The following RIMKLB variants were observed in gnomAD, a reference collection of about 807,000 sequenced individuals.
RIMKLB encodes beta-citrylglutamate synthase B.
In RIMKLB, 7 loss-of-function variants were observed where a neutral mutation model predicts 32.0. That is an observed-to-expected ratio of 0.22 (90% CI 0.12 to 0.41). The LOEUF is 0.41. RIMKLB is among the 10% of genes least tolerant of loss of function. RIMKLB has a pLI of 1.00. For synonymous variants in RIMKLB, 172 were observed against 185.1 expected (o/e 0.93, Z 0.57); for missense variants, 289 against 498.7 (o/e 0.58, Z 4.00).
chr12:8,737,021 C>T (rs1947071886), intron 2 of RIMKLB, among the ~76,000 whole-genome samples: 1 of 152,006 alleles, frequency 6.6e-6, no homozygotes, highest in Admixed American at 6.6e-5. Flanking sequence ...CCATGTTGGC[C>T]AGGCTGGTCT....
rs1333897522 is a variant in RIMKLB, at chr12:8,713,917, C to T, written c.51C>T (p.Ile17=). ...TGTGGTTTTTGACAGATCGTCGCAT[C>T]AGGGAAGACTATCCTCAAAAAGAGA... The part of the protein sequence containing the change: ...AKLWFLTDRR[I]REDYPQKEIL... The change falls in exon 2 of 6, where the codon ATC becomes ATT. Residue 17 remains isoleucine, a synonymous_variant. Transcript: ENST00000535829. The T allele has an allele frequency of 1.9e-6, 3 of 1,613,936 alleles. No homozygotes were observed. The highest frequency in any genetic ancestry group is 2.5e-6 in the Non-Finnish European group (3 of 1,180,022).
chr12:8,696,313 A>C (rs189941989), upstream of RIMKLB, among the ~76,000 whole-genome samples: 298 of 152,278 alleles, frequency 2.0e-3, no homozygotes, highest in Non-Finnish European at 3.3e-3. Context: ...TGAATATCAG[A>C]GTGGAAGTAA....
intron 5 of RIMKLB, among the ~76,000 whole-genome samples, chr12:8,762,540 TACAGC>T (rs1949618187): frequency 6.6e-6 from 1 of 152,226 alleles, no homozygotes; most frequent in Non-Finnish European, 1.5e-5. Flanking sequence ...TAGGTTTCTG[TACAGC>T]CAAGAATAAT....
At position 8,776,986 on chromosome 12, in the gene RIMKLB, T is replaced by C. The variant is rs1950762764; in HGVS notation, c.*3202T>C. ...GTGAAATCAAATCTTGTGTTATACT[T>C]TTCTCCTGGCTCACTTTTTTTGAGA... On this transcript the variant is annotated 3_prime_UTR_variant, in exon 6 of 6. Transcript: ENST00000535829. 2 of 985,850 alleles carry C rather than the reference T, an allele frequency of 2.0e-6. No individual in the cohort carries two copies. Among genetic ancestry groups the C allele is most frequent in the Non-Finnish European group, 2.4e-6 (2 of 829,930 alleles). The allele number at this position is 985,850 out of a possible 1,614,324, so 61.1% of individuals were successfully genotyped here. A position where few individuals can be genotyped will look rare whatever the true frequency, so the allele number is the denominator to read the frequency against.
chr12:8,720,160 G>A (rs1276033972), intron 2 of RIMKLB, among the ~76,000 whole-genome samples: 1 of 152,186 alleles, frequency 6.6e-6, no homozygotes, highest in Non-Finnish European at 1.5e-5. Flanking sequence ...ACATTTTTCA[G>A]TTGTGAGTAG....
At chr12:8,771,791 G>A (rs1950422844) in intron 5 of RIMKLB, among the ~76,000 whole-genome samples, 1 of 152,114 alleles carries the variant, frequency 6.6e-6, no homozygotes, top group Admixed American at 6.5e-5. Context: ...CAGTTTTCTG[G>A]AAAATGTCTT....
intron 1 of RIMKLB, among the ~76,000 whole-genome samples, chr12:8,709,705 A>G (rs1203010984): frequency 6.6e-6 from 1 of 152,264 alleles, no homozygotes; most frequent in East Asian, 1.9e-4. Context: ...CTGTGGTTTC[A>G]GTTACGCCCT....
At chr12:8,677,599 T>C (rs1942350776), upstream of RIMKLB, among the ~76,000 whole-genome samples, 4 of 152,220 alleles carry the variant, frequency 2.6e-5, 1 homozygote, top group South Asian at 8.3e-4. Context: ...ACTAATCTGA[T>C]TAAGTCATTC....
intron 2 of RIMKLB, among the ~76,000 whole-genome samples, chr12:8,714,377 C>A (rs1387967303): frequency 6.6e-6 from 1 of 152,120 alleles, no homozygotes; most frequent in Non-Finnish European, 1.5e-5. Context: ...GACACAGTTT[C>A]TTAAAAATAA....
At position 8,753,934 on chromosome 12, in the gene RIMKLB, C is replaced by G. The variant is rs1250535928; in HGVS notation, c.538C>G (p.Leu180Val). ...LARDKHHLAD[L>V]SHLIRHEAPY... ...TCGAGATAAGCACCATTTGGCTGAT[C>G]TAAGCCATCTTATTCGCCATGAAGC... Residue 180 changes from leucine to valine, a missense_variant, in exon 5 of 6, where the codon CTA (leucine) becomes GTA (valine). Leu to Val is a conservative substitution (Grantham distance 32). Coordinates refer to ENST00000535829, the MANE Select transcript of RIMKLB (RefSeq NM_001297776.2). The G allele has an allele frequency of 1.2e-6, 2 of 1,613,892 alleles. No individual in the cohort carries two copies. Among genetic ancestry groups the G allele is most frequent in the South Asian group, 1.1e-5 (1 of 91,076 alleles).
At chr12:8,746,613 AAAAG>A (rs1391212552) in intron 2 of RIMKLB, among the ~76,000 whole-genome samples, 8 of 151,676 alleles carry the variant, frequency 5.3e-5, no homozygotes, top group East Asian at 1.9e-4. Flanking sequence ...AAAAAAAAAA[AAAAG>A]AAAAAGATAT....
At chr12:8,692,444 G>A (rs374336888), upstream of RIMKLB, among the ~76,000 whole-genome samples, 1 of 152,090 alleles carries the variant, frequency 6.6e-6, no homozygotes, top group Non-Finnish European at 1.5e-5. Context: ...AGGTACACAG[G>A]CTCATTCAGG....
intron 2 of RIMKLB, among the ~76,000 whole-genome samples, chr12:8,735,119 C>A (rs991645170): frequency 3.3e-5 from 5 of 152,098 alleles, no homozygotes; most frequent in Admixed American, 2.6e-4. Context: ...TAGGTCAAAT[C>A]AAAAATTTTG....
downstream of RIMKLB, among the ~76,000 whole-genome samples, chr12:8,781,953 G>A (rs1258288543): frequency 6.6e-6 from 1 of 151,226 alleles, no homozygotes; most frequent in African/African-American, 2.4e-5. Flanking sequence ...CAACCAAGCT[G>A]TGTATGATCA....
chr12:8,738,332 C>G (rs1216143693), intron 2 of RIMKLB, among the ~76,000 whole-genome samples: 1 of 152,190 alleles, frequency 6.6e-6, no homozygotes, highest in African/African-American at 2.4e-5. Context: ...GGATGAACCA[C>G]CACACCGTGC....
At chr12:8,714,565 T>C (rs1944649992) in intron 2 of RIMKLB, among the ~76,000 whole-genome samples, 1 of 152,208 alleles carries the variant, frequency 6.6e-6, no homozygotes, top group Non-Finnish European at 1.5e-5. Flanking sequence ...TAATATAAAC[T>C]AATACGGTTT....
intron 2 of RIMKLB, among the ~76,000 whole-genome samples, chr12:8,727,768 G>A (rs1360795998): frequency 7.9e-5 from 12 of 151,942 alleles, no homozygotes; most frequent in Non-Finnish European, 1.2e-4. Flanking sequence ...GCATAGTGGC[G>A]GGCACCTGTA....
At chr12:8,715,233 T>TC (rs1179969768) in intron 2 of RIMKLB, among the ~76,000 whole-genome samples, 1 of 149,498 alleles carries the variant, frequency 6.7e-6, no homozygotes, top group African/African-American at 2.5e-5. Flanking sequence ...TTGTTCTTTT[T>TC]TTTTTTTTTT....
At chr12:8,758,925 T>A (rs1317981544) in intron 5 of RIMKLB, among the ~76,000 whole-genome samples, 2 of 152,208 alleles carry the variant, frequency 1.3e-5, no homozygotes, top group Non-Finnish European at 2.9e-5. Flanking sequence ...AGATATCTGA[T>A]AGAGCAAGAG....
Sources: allele counts gnomAD v4.1 joint callset (sites outside exome capture counted in the v4.1 genomes callset), GRCh38; gene constraint gnomAD v4.1.1; transcripts MANE v1.5; gene names NCBI Gene and HGNC (gene_info 2026-07-23, HGNC 2026-07-21).